The following RASEF variants were observed in gnomAD, a reference collection of about 807,000 sequenced individuals.
RASEF encodes RAS and EF-hand domain containing.
RASEF carries 68 observed loss-of-function variants against 90.1 expected under a neutral mutation model. That is an observed-to-expected ratio of 0.75 (90% CI 0.62 to 0.92). The LOEUF is 0.92. RASEF is among the 40% of genes least tolerant of loss of function. The pLI is 0.00. For missense variants in RASEF, 949 were observed against 937.2 expected (o/e 1.01, Z -0.16); for synonymous variants, 331 against 345.2 (o/e 0.96, Z 0.46).
At chr9:83,043,400 G>GA (rs1554709868) in intron 1 of RASEF, among the ~76,000 whole-genome samples, 1 of 59,826 alleles carries the variant, frequency 1.7e-5, no homozygotes, top group African/African-American at 4.1e-5. Flanking sequence ...CAGTGATTGG[G>GA]GGGGGGGACC....
At position 82,982,834 on chromosome 9, in the gene RASEF, G is replaced by GAGA. The variant is rs754579235; in HGVS notation, c.2118-53_2118-52insTCT. On this transcript the variant is annotated intron_variant, in intron 16 of 16. Coordinates refer to ENST00000376447, the MANE Select transcript of RASEF (RefSeq NM_152573.4). The stretch of plus-strand genomic sequence containing the variant: ...GAGAGAGAGAGAGAGAGAGAGAGAG[G>GAGA]ATTACTGAGGTATAAAAACTAAGCC... 3.1e-4 allele frequency: 311 copies of GAGA among 996,250 alleles called. No homozygotes were observed. The African/African-American group carries it at 4.6e-3, about 15-fold the overall frequency. The allele number at this position is 996,250 out of a possible 1,614,324, so 61.7% of individuals were successfully genotyped here. A position where few individuals can be genotyped will look rare whatever the true frequency, so the allele number is the denominator to read the frequency against.
the RASEF span, among the ~76,000 whole-genome samples, chr9:83,183,592 CATT>C: frequency 2.0e-5 from 3 of 152,112 alleles, no homozygotes; most frequent in Non-Finnish European, 4.4e-5. Flanking sequence ...TCCATTAAAT[CATT>C]ATTATTATCC....
the RASEF span, among the ~76,000 whole-genome samples, chr9:83,130,865 T>C: frequency 6.6e-6 from 1 of 152,222 alleles, no homozygotes; most frequent in South Asian, 2.1e-4. Flanking sequence ...CCTCCAAAGC[T>C]GGCAGGACAA....
the RASEF span, among the ~76,000 whole-genome samples, chr9:83,171,345 A>AT: frequency 1.8e-4 from 28 of 151,730 alleles, no homozygotes; most frequent in African/African-American, 6.8e-4. Flanking sequence ...TTTATTGAAG[A>AT]TTTTTGCAAC....
At chr9:83,097,722 G>A in the RASEF span, among the ~76,000 whole-genome samples, 2 of 152,218 alleles carry the variant, frequency 1.3e-5, no homozygotes, top group African/African-American at 4.8e-5. Flanking sequence ...ACACCAGTTA[G>A]AATGGACTTG....
chr9:83,071,470 A>ATCTC, the RASEF span, among the ~76,000 whole-genome samples: 1 of 152,146 alleles, frequency 6.6e-6, no homozygotes, highest in Non-Finnish European at 1.5e-5. Flanking sequence ...CAGTGGCACC[A>ATCTC]TCTCAGCTCA....
chr9:82,999,683 A>G (rs1828988212), intron 12 of RASEF, among the ~76,000 whole-genome samples: 1 of 147,334 alleles, frequency 6.8e-6, no homozygotes, highest in South Asian at 2.2e-4. Context: ...GGCTCACTGC[A>G]ACCTCCGCCT....
rs1439866881 is a variant in RASEF at position 83,046,448 on chromosome 9, T to C, written c.431+15989A>G. On this transcript the variant is annotated intron_variant, in intron 1 of 16. Transcript: ENST00000376447. ...AGGCTTTTCTGGAATGTATACACTG[T>C]GTTCAAGCAGAAATGCCTACACTGT... 4.6e-5 allele frequency among the ~76,000 whole-genome samples: 7 copies of C among 152,136 alleles called. No homozygotes were observed. In the East Asian group the frequency reaches 1.2e-3, roughly 25 times the overall value.
chr9:83,179,677 A>T, the RASEF span, among the ~76,000 whole-genome samples: 4 of 152,180 alleles, frequency 2.6e-5, no homozygotes, highest in East Asian at 7.7e-4. Flanking sequence ...TAAAAAGAAG[A>T]TATACTGTAA....
chr9:83,071,107 T>C, the RASEF span, among the ~76,000 whole-genome samples: 1 of 152,192 alleles, frequency 6.6e-6, no homozygotes, highest in Non-Finnish European at 1.5e-5. Context: ...CTGTATGTCT[T>C]TTATTTCTTT....
the RASEF span, among the ~76,000 whole-genome samples, chr9:83,077,075 G>T: frequency 6.6e-6 from 1 of 152,134 alleles, no homozygotes; most frequent in South Asian, 2.1e-4. Flanking sequence ...GAAATTACCA[G>T]AAGCTATTTT....
At chr9:83,184,360 C>A in the RASEF span, among the ~76,000 whole-genome samples, 7 of 152,100 alleles carry the variant, frequency 4.6e-5, no homozygotes, top group Non-Finnish European at 8.8e-5. Context: ...AGGATCTGAT[C>A]AAAGGGAAAG....
At chr9:83,129,965 G>A in the RASEF span, among the ~76,000 whole-genome samples, 552 of 152,340 alleles carry the variant, frequency 3.6e-3, no homozygotes, top group Middle Eastern at 6.8e-3. Context: ...GTATATGTCT[G>A]CTGTATCCAT....
At chr9:83,111,914 A>AC in the RASEF span, among the ~76,000 whole-genome samples, 2 of 152,008 alleles carry the variant, frequency 1.3e-5, no homozygotes, top group African/African-American at 4.8e-5. Flanking sequence ...TACTTGTAAT[A>AC]GCTGTAATAG....
At chr9:82,987,471 C>T (rs933687312) in intron 16 of RASEF, among the ~76,000 whole-genome samples, 4 of 152,112 alleles carry the variant, frequency 2.6e-5, no homozygotes, top group Non-Finnish European at 2.9e-5. Flanking sequence ...TTTTGCAAAC[C>T]AGGTGTTTTA....
At chr9:83,138,662 T>C in the RASEF span, among the ~76,000 whole-genome samples, 1 of 152,148 alleles carries the variant, frequency 6.6e-6, no homozygotes, top group Non-Finnish European at 1.5e-5. Flanking sequence ...CAATTGGCTA[T>C]TTTCCTATTT....
At position 82,993,003 on chromosome 9, in the gene RASEF, G is replaced by A. The variant is rs760993989; in HGVS notation, c.1943C>T (p.Pro648Leu). The A allele has an allele frequency of 1.2e-6, 2 of 1,613,740 alleles. No homozygotes were observed. Among genetic ancestry groups the A allele is most frequent in the Non-Finnish European group, 1.7e-6 (2 of 1,179,876 alleles). The change falls in exon 15 of 17, where the codon CCC (proline) becomes CTC (leucine). Residue 648 changes from proline (P) to leucine (L), a missense_variant. This residue lies in a region of RASEF where 288 missense variants were observed against 328.4 expected (regional missense o/e 0.88). Transcript: ENST00000376447. The part of the protein sequence containing the change: ...MIEDAAHETV[P>L]IMLVGNKADI... The stretch of plus-strand genomic sequence containing the variant: ...AGCCTTGTTTCCTACCAGCATAATG[G>A]GAACAGTCTCATGGGCTGCATCCTA...
the RASEF span, among the ~76,000 whole-genome samples, chr9:83,103,048 A>G: frequency 3.3e-5 from 5 of 152,304 alleles, no homozygotes; most frequent in East Asian, 9.7e-4. Flanking sequence ...CTCCTCCTTC[A>G]GTGGGTCCCC....
the RASEF span, among the ~76,000 whole-genome samples, chr9:83,203,057 GTA>G: frequency 6.6e-6 from 1 of 152,094 alleles, no homozygotes; most frequent in South Asian, 2.1e-4. Flanking sequence ...GGAAGTTATT[GTA>G]TATATGGAAT....
Sources: gnomAD v4.1 joint callset for allele counts (sites outside exome capture counted in the v4.1 genomes callset) on GRCh38, gnomAD v4.1.1 for gene constraint, gnomAD v4.1.1 regional missense constraint, MANE v1.5 for transcripts, NCBI Gene and HGNC (gene_info 2026-07-23, HGNC 2026-07-21) for gene names.